CLMN: variants seen among roughly 807,000 people sequenced by gnomAD.
CLMN encodes calmin, also known as calmin (calponin-like, transmembrane).
A neutral mutation model predicts 92.7 loss-of-function variants in CLMN; 57 were observed. The ratio of observed to expected loss-of-function variants is 0.61; its 90% confidence interval spans 0.50 to 0.77. The LOEUF (loss-of-function observed/expected upper bound fraction) is 0.77, where lower values mean the gene tolerates loss of function less well. CLMN is among the 30% of genes least tolerant of loss of function. The pLI, the probability that CLMN is intolerant of heterozygous loss-of-function variation, is 0.00. For missense variants in CLMN, 1,158 were observed against 1,237.5 expected, an observed-to-expected ratio of 0.94 and a Z score of 0.96; for synonymous variants, 466 against 470.6, an observed-to-expected ratio of 0.99 and a Z score of 0.13.
At chr14:95,232,093 C>T (rs1353559756) in intron 1 of CLMN, among the ~76,000 whole-genome samples, 2 of 152,248 alleles carry the variant, frequency 1.3e-5, no homozygotes, top group African/African-American at 2.4e-5. Flanking sequence ...CCATTCTGTG[C>T]TTTTTCTGCT....
chr14:95,242,951 AT>A (rs34307408), intron 1 of CLMN, among the ~76,000 whole-genome samples: 4 of 151,952 alleles, frequency 2.6e-5, no homozygotes, highest in Admixed American at 2.0e-4. Flanking sequence ...GAGGTTGGCA[AT>A]TTTTTTTCTG....
chr14:95,221,785 G>T lies in CLMN; in HGVS notation c.241-11C>A. 6.2e-7 allele frequency: 1 copy of T among 1,613,530 alleles called. No individual in the cohort carries two copies. Among genetic ancestry groups the T allele is most frequent in the Non-Finnish European group, 8.5e-7 (1 of 1,179,610 alleles). ...TTTGTATTCGTGCAGCTATAAAACAGAACAGAACAAAACAAGCACATTAAA... is the reference window on the plus strand; with the variant it reads ...TTTGTATTCGTGCAGCTATAAAACATAACAGAACAAAACAAGCACATTAAA... On this transcript the variant is annotated splice_polypyrimidine_tract_variant and intron_variant, in intron 3 of 12. Transcript: ENST00000298912.
At chr14:95,264,008 CTTTATTTATTTATTTA>C (rs34763756) in intron 1 of CLMN, among the ~76,000 whole-genome samples, 11,630 of 143,802 alleles carry the variant, frequency 0.081, 627 homozygotes, top group African/African-American at 0.14. Context: ...CACCTTATTA[CTTTATTTATTTATTTA>C]TTTATTTATT....
chr14:95,243,240 G>T (rs1281511047), intron 1 of CLMN, among the ~76,000 whole-genome samples: 1 of 152,150 alleles, frequency 6.6e-6, no homozygotes, highest in Non-Finnish European at 1.5e-5. Flanking sequence ...TTAAGATCCA[G>T]TTTTGGGCTT....
At chr14:95,220,991 T>C (rs1595585472) in intron 4 of CLMN, among the ~76,000 whole-genome samples, 1 of 152,216 alleles carries the variant, frequency 6.6e-6, no homozygotes, top group African/African-American at 2.4e-5. Context: ...ACAAATTCCT[T>C]TACTGCTTAA....
intron 7 of CLMN, among the ~76,000 whole-genome samples, 175 bp from the exon 8 acceptor site, chr14:95,209,652 G>C (rs1001011902): frequency 5.9e-5 from 9 of 152,202 alleles, no homozygotes; most frequent in Admixed American, 5.2e-4. Flanking sequence ...AAATCTCACA[G>C]CTGGCTGATG....
intron 1 of CLMN, among the ~76,000 whole-genome samples, chr14:95,315,816 C>T (rs1008616258): frequency 2.6e-5 from 4 of 152,184 alleles, no homozygotes; most frequent in African/African-American, 9.7e-5. Flanking sequence ...TGGCTGGGTG[C>T]CCATGACAGT....
At chr14:95,305,707 T>A (rs1901248555) in intron 1 of CLMN, among the ~76,000 whole-genome samples, 1 of 152,148 alleles carries the variant, frequency 6.6e-6, no homozygotes, top group Non-Finnish European at 1.5e-5. Context: ...GGGCACAGCA[T>A]AATGGATGAA....
chr14:95,274,587 G>A (rs1899849925), intron 1 of CLMN, among the ~76,000 whole-genome samples: 1 of 152,208 alleles, frequency 6.6e-6, no homozygotes, highest in African/African-American at 2.4e-5. Context: ...CTCACACCCA[G>A]CACGCTGCCT....
chr14:95,220,757 C>T (rs1897511212), intron 4 of CLMN, among the ~76,000 whole-genome samples: 1 of 152,220 alleles, frequency 6.6e-6, no homozygotes, highest in South Asian at 2.1e-4. Flanking sequence ...CACATCCTGT[C>T]CGGGCCTTTG....
At chr14:95,220,169 C>CTTTTTTTTTTTTTTT (rs767326601) in intron 4 of CLMN, among the ~76,000 whole-genome samples, 2 of 71,804 alleles carry the variant, frequency 2.8e-5, no homozygotes, top group South Asian at 6.2e-4. Flanking sequence ...GGATAGGTCC[C>CTTTTTTTTTTTTTTT]TTTTTTTTTT....
chr14:95,257,815 C>T (rs1251982564), intron 1 of CLMN, among the ~76,000 whole-genome samples: 1 of 152,256 alleles, frequency 6.6e-6, no homozygotes, highest in Non-Finnish European at 1.5e-5. Flanking sequence ...TATGCTGAGC[C>T]TCTTCCCTGA....
At position 95,196,473 on chromosome 14, in the gene CLMN, G is replaced by A. The variant is rs373155177; in HGVS notation, c.2708+25C>T. On this transcript the variant is annotated intron_variant, in intron 10 of 12. Transcript: ENST00000298912. The stretch of plus-strand genomic sequence containing the variant: ...CTCTAACTCTCTGGCTCCACCTTAC[G>A]GGTGAAAAGAGATGAATAAAATACC... 2.8e-5 allele frequency: 44 copies of A among 1,593,132 alleles called. 1 individual carries two copies. The South Asian group carries it at 3.9e-4, about 14-fold the overall frequency.
At chr14:95,242,857 A>G (rs777003222) in intron 1 of CLMN, among the ~76,000 whole-genome samples, 1 of 152,150 alleles carries the variant, frequency 6.6e-6, no homozygotes, top group Non-Finnish European at 1.5e-5. Flanking sequence ...ATGAGCCACC[A>G]CGCCCAGCCT....
Position 95,196,541 on chromosome 14 carries a change from C to G in CLMN, c.2665G>C (p.Asp889His), listed in dbSNP as rs1251347741. The G allele has an allele frequency of 6.2e-7, 1 of 1,614,076 alleles. No individual in the cohort carries two copies. Among genetic ancestry groups the G allele is most frequent in the Non-Finnish European group, 8.5e-7 (1 of 1,180,022 alleles). ...TCGCTACTGTCTTCTTCTAGGTCAT[C>G]TGAGGATTGAACACTTCCTGGTGCT... is the stretch of plus-strand genomic sequence containing the variant. Reference protein sequence around the residue: ...FVAPGSVQSSDDLEEDSSDYS... With the variant: ...FVAPGSVQSSHDLEEDSSDYS... The change falls in exon 10 of 13, where the codon GAT (aspartate) becomes CAT (histidine). Residue 889 changes from aspartate to histidine, a missense_variant. Physicochemically the swap from Asp to His is moderately conservative, Grantham distance 81. Transcript: ENST00000298912.
intron 1 of CLMN, among the ~76,000 whole-genome samples, chr14:95,308,848 G>A (rs1901400846): frequency 1.3e-5 from 2 of 152,206 alleles, no homozygotes; most frequent in Non-Finnish European, 2.9e-5. Flanking sequence ...ACGCATGGGG[G>A]ACCTTTTTCA....
intron 1 of CLMN, among the ~76,000 whole-genome samples, chr14:95,308,657 G>A (rs1173234372): frequency 2.6e-5 from 4 of 151,914 alleles, no homozygotes; most frequent in Admixed American, 1.3e-4. Context: ...CCCCCTCCCC[G>A]CACACACTCC....
At chr14:95,281,180 AT>A (rs372096579) in intron 1 of CLMN, among the ~76,000 whole-genome samples, 17 of 152,334 alleles carry the variant, frequency 1.1e-4, no homozygotes, top group African/African-American at 3.8e-4. Flanking sequence ...GATGAGAAAC[AT>A]TTATCCAACT....
chr14:95,204,839 G>A (rs1005284901), intron 8 of CLMN, among the ~76,000 whole-genome samples: 25 of 152,198 alleles, frequency 1.6e-4, no homozygotes, highest in African/African-American at 5.6e-4. Flanking sequence ...TGCCTAGTCT[G>A]GGTATGGACT....
Sources: allele counts gnomAD v4.1 joint callset (sites outside exome capture counted in the v4.1 genomes callset), GRCh38; gene constraint gnomAD v4.1.1; transcripts MANE v1.5; gene names NCBI Gene and HGNC (gene_info 2026-07-23, HGNC 2026-07-21).